ABHD17B: variants seen among roughly 807,000 people sequenced by gnomAD.
The protein encoded by ABHD17B is alpha/beta hydrolase domain-containing protein 17B.
A neutral mutation model predicts 26.2 loss-of-function variants in ABHD17B; 9 were observed. The ratio of observed to expected loss-of-function variants is 0.34; its 90% CI spans 0.21 to 0.60. ABHD17B has a LOEUF of 0.60. Ranked by LOEUF, ABHD17B falls within the 20% of genes least tolerant of loss-of-function variation. The probability of loss-of-function intolerance (pLI) is 0.80; values close to 1 mark genes in which losing one functional copy is unlikely to be tolerated. For synonymous variants in ABHD17B, 127 were observed against 122.3 expected (o/e 1.04, Z -0.25); for missense variants, 224 against 352.1 (o/e 0.64, Z 2.91).
chr9:71,889,191 C>T (rs1437963146), intron 1 of ABHD17B, among the ~76,000 whole-genome samples: 2 of 151,836 alleles, frequency 1.3e-5, no homozygotes, highest in South Asian at 2.1e-4. Flanking sequence ...GTGGCAGGCG[C>T]CTGTAATCAT....
At chr9:71,892,929 C>A (rs1214817863) in intron 1 of ABHD17B, among the ~76,000 whole-genome samples, 2 of 152,252 alleles carry the variant, frequency 1.3e-5, no homozygotes, top group East Asian at 3.9e-4. Context: ...ACCCACTAAA[C>A]AATAACATCA....
Position 71,897,978 on chromosome 9 carries a change from T to C in ABHD17B, c.-4+12656A>G, listed in dbSNP as rs950640590. On this transcript the variant is annotated intron_variant, in intron 1 of 3. Transcript: ENST00000333421. ...ACCACCTTCTTCAAATATGGAAATT[T>C]TGTCTTTTCATACATTTTTTTTCAG... Among the ~76,000 whole-genome samples, 9 of 152,380 alleles carry C rather than the reference T, an allele frequency of 5.9e-5. No individual in the cohort carries two copies. In the East Asian group the frequency reaches 9.6e-4, roughly 16 times the overall value.
intron 1 of ABHD17B, among the ~76,000 whole-genome samples, chr9:71,879,534 T>TAATC: frequency 6.6e-6 from 1 of 152,150 alleles, no homozygotes; most frequent in African/African-American, 2.4e-5. Context: ...TCTAAAGGAG[T>TAATC]TACAATTATC....
chr9:71,892,274 TGTAATCCCA>T (rs1826807531), intron 1 of ABHD17B, among the ~76,000 whole-genome samples: 1 of 151,994 alleles, frequency 6.6e-6, no homozygotes, highest in Non-Finnish European at 1.5e-5. Context: ...GACTCACACC[TGTAATCCCA>T]GCACTTTGGG....
At chr9:71,903,766 T>C (rs964037454) in intron 1 of ABHD17B, among the ~76,000 whole-genome samples, 1 of 152,218 alleles carries the variant, frequency 6.6e-6, no homozygotes, top group Non-Finnish European at 1.5e-5. Context: ...GTGAGATAAA[T>C]ATTTATCAAA....
At chr9:71,907,706 T>C (rs984828755) in intron 1 of ABHD17B, among the ~76,000 whole-genome samples, 4 of 152,154 alleles carry the variant, frequency 2.6e-5, no homozygotes, top group Non-Finnish European at 5.9e-5. Context: ...AGACGGGGTT[T>C]CTCCATGTTG....
At chr9:71,863,372 G>A (rs1362365760), downstream of ABHD17B, among the ~76,000 whole-genome samples, 2 of 152,176 alleles carry the variant, frequency 1.3e-5, no homozygotes, top group Admixed American at 6.5e-5. Flanking sequence ...AGAAAACTGA[G>A]GTCCAGAAAT....
At chr9:71,885,479 G>T (rs921934896) in intron 1 of ABHD17B, among the ~76,000 whole-genome samples, 1 of 150,958 alleles carries the variant, frequency 6.6e-6, no homozygotes, top group South Asian at 2.1e-4. Flanking sequence ...AAAAAAAAGG[G>T]GGTCACCTCA....
intron 1 of ABHD17B, among the ~76,000 whole-genome samples, chr9:71,896,386 A>G (rs938669751): frequency 2.0e-5 from 3 of 152,226 alleles, no homozygotes; most frequent in African/African-American, 7.2e-5. Context: ...ATATGTCTAC[A>G]TACGGGCATT....
intron 1 of ABHD17B, among the ~76,000 whole-genome samples, chr9:71,900,487 T>C (rs1589230734): frequency 6.6e-6 from 1 of 151,742 alleles, no homozygotes; most frequent in East Asian, 2.0e-4. Flanking sequence ...CCGTCTCTAC[T>C]AAAAATACAA....
chr9:71,910,580 C>G (rs960293780), intron 1 of ABHD17B, 54 bp downstream of exon 1: 1 of 151,888 alleles, frequency 6.6e-6, no homozygotes, highest in Non-Finnish European at 1.5e-5. Flanking sequence ...CCCGGCCTAG[C>G]GCCCCCTCCC....
intron 3 of ABHD17B, among the ~76,000 whole-genome samples, chr9:71,869,200 T>C (rs957648956): frequency 6.6e-6 from 1 of 152,264 alleles, no homozygotes; most frequent in Non-Finnish European, 1.5e-5. Flanking sequence ...AACCCAAACA[T>C]GCCCACAGCT....
At chr9:71,909,503 GAA>G (rs756876627) in intron 1 of ABHD17B, among the ~76,000 whole-genome samples, 1 of 152,122 alleles carries the variant, frequency 6.6e-6, no homozygotes, top group Non-Finnish European at 1.5e-5. Flanking sequence ...ACTCTTTACG[GAA>G]AAAAGTTCAT....
chr9:71,866,882 A>G lies in ABHD17B; in HGVS notation c.772T>C (p.Trp258Arg). The G allele has an allele frequency of 6.2e-7, 1 of 1,614,202 alleles. No homozygotes were observed. Among genetic ancestry groups the G allele is most frequent in the East Asian group, 2.2e-5 (1 of 44,880 alleles). Residue 258 changes from tryptophan (W) to arginine (R), a missense_variant, in exon 4 of 4, where the codon TGG (tryptophan) becomes CGG (arginine). Coordinates refer to ENST00000333421, the MANE Select transcript of ABHD17B (RefSeq NM_001025780.3). ...ERCQRPVEPL[W>R]VEGAGHNDVE... ...TCATTGTGACCTGCTCCTTCAACCC[A>G]GAGAGGCTCCACAGGTCTTTGGCAA... is the stretch of plus-strand genomic sequence containing the variant.
chr9:71,863,020 C>G (rs1825867488), downstream of ABHD17B, among the ~76,000 whole-genome samples: 1 of 151,796 alleles, frequency 6.6e-6, no homozygotes, highest in African/African-American at 2.4e-5. Context: ...AAAAAAAAAT[C>G]TATGGTATAT....
At chr9:71,870,052 G>T in intron 3 of ABHD17B, 31 bp downstream of exon 3, 2 of 1,564,136 alleles carry the variant, frequency 1.3e-6, no homozygotes, top group Non-Finnish European at 1.7e-6. Flanking sequence ...AAGTTTCTTG[G>T]AATTTAACTA....
chr9:71,867,545 C>T (rs373483990), intron 3 of ABHD17B, among the ~76,000 whole-genome samples: 5 of 152,228 alleles, frequency 3.3e-5, no homozygotes, highest in Middle Eastern at 3.4e-3. Flanking sequence ...GAAGAAAACA[C>T]AATTTTAGGC....
intron 1 of ABHD17B, among the ~76,000 whole-genome samples, chr9:71,899,939 G>T (rs1204182714): frequency 3.3e-5 from 5 of 151,158 alleles, no homozygotes; most frequent in African/African-American, 1.2e-4. Flanking sequence ...ATTTCTAAAA[G>T]AAAAGTAAAT....
chr9:71,905,892 C>G (rs1332796186), intron 1 of ABHD17B, among the ~76,000 whole-genome samples: 1 of 151,864 alleles, frequency 6.6e-6, no homozygotes, highest in Non-Finnish European at 1.5e-5. Context: ...AAAAAAAATA[C>G]AAAAATTAGC....
Sources: allele counts gnomAD v4.1 joint callset (sites outside exome capture counted in the v4.1 genomes callset), GRCh38; gene constraint gnomAD v4.1.1; transcripts MANE v1.5; gene names NCBI Gene and HGNC (gene_info 2026-07-23, HGNC 2026-07-21).